Variants in SPATA13 observed in about 807,000 individuals in gnomAD.
The protein encoded by SPATA13 is spermatogenesis associated 13.
Under a neutral mutation model 104.0 loss-of-function variants are expected in SPATA13, and 50 were observed. That is an observed-to-expected ratio of 0.48 (90% confidence interval 0.38 to 0.61). The LOEUF (loss-of-function observed/expected upper bound fraction) is 0.61, where lower values mean the gene tolerates loss of function less well. Ranked by LOEUF, SPATA13 falls within the 20% of genes least tolerant of loss-of-function variation. The pLI, the probability that SPATA13 is intolerant of heterozygous loss-of-function variation, is 0.00. For missense variants in SPATA13, 1,524 were observed against 1,690.6 expected (o/e 0.90, Z 1.73); for synonymous variants, 606 against 667.5 (o/e 0.91, Z 1.42).
At chr13:24,252,279 ATCTCTGCCT>A (rs1354421876) in intron 4 of SPATA13, among the ~76,000 whole-genome samples, 8 of 152,196 alleles carry the variant, frequency 5.3e-5, no homozygotes, top group Admixed American at 3.9e-4. Flanking sequence ...GCATTGCCTC[ATCTCTGCCT>A]TCATGTTCAC....
rs192210245 is a variant in SPATA13 at position 24,174,281 on chromosome 13, C to T, written c.-112+13349C>T. On this transcript the variant is annotated intron_variant, in intron 1 of 12. Transcript: ENST00000382108. ...TATTATCAGTCTTTTCAAAGAACAG[C>T]TCTTTGTTTAATTGATTTTTTCTAT... Among the ~76,000 whole-genome samples, 146 of 152,180 alleles carry T rather than the reference C, an allele frequency of 9.6e-4. 1 individual carries two copies. The highest frequency in any genetic ancestry group is 3.1e-3 in the African/African-American group (127 of 41,546).
intron 3 of SPATA13, among the ~76,000 whole-genome samples, chr13:24,105,058 A>G (rs1319749042): frequency 1.3e-5 from 2 of 152,012 alleles, no homozygotes; most frequent in African/African-American, 2.4e-5. Context: ...GGTCTTCTGA[A>G]CTCCACACAT....
chr13:24,167,330 A>T (rs984382414), intron 1 of SPATA13, among the ~76,000 whole-genome samples: 2 of 152,194 alleles, frequency 1.3e-5, no homozygotes, highest in Non-Finnish European at 2.9e-5. Flanking sequence ...GCCAGTTTGG[A>T]CATGGTCGTG....
At chr13:24,250,946 T>C (rs963955316) in intron 3 of SPATA13, among the ~76,000 whole-genome samples, 1 of 152,108 alleles carries the variant, frequency 6.6e-6, no homozygotes, top group Admixed American at 6.5e-5. Context: ...TATAACCTAA[T>C]GTAGGGAATT....
At chr13:24,126,142 G>A (rs1381849142) in intron 3 of SPATA13, among the ~76,000 whole-genome samples, 1 of 152,162 alleles carries the variant, frequency 6.6e-6, no homozygotes, top group East Asian at 1.9e-4. Context: ...GATCCTGCTG[G>A]AATTCCACTC....
intron 2 of SPATA13, among the ~76,000 whole-genome samples, chr13:24,015,936 G>C (rs187342580): frequency 6.6e-6 from 1 of 152,210 alleles, no homozygotes; most frequent in Admixed American, 6.5e-5. Flanking sequence ...TCAAAGACAC[G>C]CTTCTGTCCT....
chr13:24,197,594 G>A (rs1318140260), intron 1 of SPATA13, among the ~76,000 whole-genome samples: 3 of 151,996 alleles, frequency 2.0e-5, no homozygotes, highest in South Asian at 2.1e-4. Context: ...CATCTCTAAT[G>A]AGAAAAAAAG....
At chr13:24,118,930 G>A (rs1880943493) in intron 3 of SPATA13, among the ~76,000 whole-genome samples, 1 of 110,924 alleles carries the variant, frequency 9.0e-6, no homozygotes, top group Admixed American at 9.5e-5. Flanking sequence ...TTTTGAGATG[G>A]AGTCTTGTTC....
intron 3 of SPATA13, among the ~76,000 whole-genome samples, chr13:24,250,941 C>T (rs140307196): frequency 7.3e-4 from 111 of 152,114 alleles, no homozygotes; most frequent in African/African-American, 2.5e-3. Context: ...TGTACTATAA[C>T]CTAATGTAGG....
chr13:24,192,131 C>G (rs9507266), intron 1 of SPATA13, among the ~76,000 whole-genome samples: 64,555 of 151,882 alleles, frequency 0.43, 16,095 homozygotes, highest in Non-Finnish European at 0.56. Flanking sequence ...TCCATTGTGG[C>G]CATGCTCAGA....
At chr13:23,998,268 A>G (rs1444377993) in intron 2 of SPATA13, among the ~76,000 whole-genome samples, 1 of 152,224 alleles carries the variant, frequency 6.6e-6, no homozygotes, top group Non-Finnish European at 1.5e-5. Flanking sequence ...TATTTTAGCC[A>G]TTCTAAAGGT....
chr13:24,139,863 C>G (rs548979968), intron 3 of SPATA13, among the ~76,000 whole-genome samples: 81 of 152,266 alleles, frequency 5.3e-4, no homozygotes, highest in Non-Finnish European at 8.1e-4. Context: ...GTCAGGAGAT[C>G]TAGACCATCC....
chr13:24,277,096 G>C (rs1300911301), intron 4 of SPATA13, among the ~76,000 whole-genome samples: 1 of 152,270 alleles, frequency 6.6e-6, no homozygotes, highest in South Asian at 2.1e-4. Flanking sequence ...TTGTTATGAA[G>C]CAATAGACAA....
At chr13:24,066,595 G>A (rs138865747) in intron 3 of SPATA13, among the ~76,000 whole-genome samples, 7 of 152,302 alleles carry the variant, frequency 4.6e-5, no homozygotes, top group Non-Finnish European at 7.3e-5. Context: ...ACCCATGGAG[G>A]GGACAGCAGG....
intron 1 of SPATA13, among the ~76,000 whole-genome samples, chr13:24,214,443 C>G (rs188042817): frequency 7.9e-5 from 12 of 152,336 alleles, no homozygotes; most frequent in Non-Finnish European, 1.2e-4. Context: ...TGAGAATTTT[C>G]TCTTTACAAT....
chr13:24,157,484 T>C (rs997776414), upstream of SPATA13, among the ~76,000 whole-genome samples: 1 of 152,096 alleles, frequency 6.6e-6, no homozygotes, highest in African/African-American at 2.4e-5. Flanking sequence ...GTATTTTTAG[T>C]AGAGACGGGG....
chr13:24,190,294 T>A lies in SPATA13; in HGVS notation c.-112+29362T>A, dbSNP rs1293862401. Among the ~76,000 whole-genome samples the A allele has an allele frequency of 1.8e-4, 2 of 10,980 alleles. 1 individual carries two copies. The highest frequency in any genetic ancestry group is 2.0e-4 in the African/African-American group (2 of 9,858). 7.2% of individuals were successfully genotyped at this position (10,980 alleles called of 152,430 possible). A position where few individuals can be genotyped will look rare whatever the true frequency, so the allele number is the denominator to read the frequency against. ...TATTATTATATATAATATATAATATTATATATTATTATATATAATATATAA... is the reference window on the plus strand; with the variant it reads ...TATTATTATATATAATATATAATATAATATATTATTATATATAATATATAA... On this transcript the variant is annotated intron_variant, in intron 1 of 12. Coordinates refer to ENST00000382108, the MANE Select transcript of SPATA13 (RefSeq NM_001166271.3).
At chr13:24,019,040 C>T (rs1034035713) in intron 3 of SPATA13, among the ~76,000 whole-genome samples, 7 of 151,426 alleles carry the variant, frequency 4.6e-5, no homozygotes, top group African/African-American at 1.7e-4. Context: ...GGAAAGTGAA[C>T]GTGTCTAAAG....
At chr13:24,183,333 A>G (rs1432645424) in intron 1 of SPATA13, among the ~76,000 whole-genome samples, 2 of 152,262 alleles carry the variant, frequency 1.3e-5, no homozygotes, top group African/African-American at 2.4e-5. Context: ...TAAAACCACC[A>G]TCAAACCCAA....
Sources: gnomAD v4.1 joint callset for allele counts (sites outside exome capture counted in the v4.1 genomes callset) on GRCh38, gnomAD v4.1.1 for gene constraint, MANE v1.5 for transcripts, NCBI Gene and HGNC (gene_info 2026-07-23, HGNC 2026-07-21) for gene names.